The following NOL4L variants were observed in gnomAD, a reference collection of about 807,000 sequenced individuals.
NOL4L encodes nucleolar protein 4 like.
NOL4L carries 7 observed loss-of-function variants against 64.5 expected under a neutral mutation model. That is an observed-to-expected ratio of 0.11 (90% confidence interval 0.06 to 0.20). The LOEUF (loss-of-function observed/expected upper bound fraction) is 0.20. Among genes scored for constraint, NOL4L ranks in the 10% least tolerant of loss-of-function variants. The pLI is 1.00. For missense variants in NOL4L, 680 were observed against 967.1 expected (o/e 0.70, Z 3.94); for synonymous variants, 413 against 401.0 (o/e 1.03, Z -0.36).
At chr20:32,527,962 T>TGA (rs1281341106) in intron 1 of NOL4L, 49 bp from the exon 2 acceptor site, 1 of 1,522,902 alleles carries the variant, frequency 6.6e-7, no homozygotes, top group Non-Finnish European at 8.8e-7. Flanking sequence ...GATGGCGGGG[T>TGA]GAGAACTGGG....
intron 1 of NOL4L, among the ~76,000 whole-genome samples, chr20:32,578,479 G>C (rs1432206799): frequency 1.3e-5 from 2 of 152,154 alleles, no homozygotes; most frequent in South Asian, 4.1e-4. Context: ...TCTAACTCCT[G>C]AGCTGAAGTG....
chr20:32,530,323 T>C (rs2018297684), intron 1 of NOL4L, among the ~76,000 whole-genome samples: 1 of 151,470 alleles, frequency 6.6e-6, no homozygotes, highest in South Asian at 2.1e-4. Context: ...GGGTGGATCA[T>C]GAGGTCAGGA....
intron 4 of NOL4L, among the ~76,000 whole-genome samples, chr20:32,485,058 CAAAAAAAAAAAAAAAAAAA>C (rs57444583): frequency 5.6e-5 from 1 of 17,808 alleles, no homozygotes; most frequent in Non-Finnish European, 1.1e-4. Context: ...GGGAAATTGC[CAAAAAAAAAAAAAAAAAAA>C]AAAAAAAAAA....
At chr20:32,466,276 T>G (rs900236226) in intron 5 of NOL4L, among the ~76,000 whole-genome samples, 1 of 152,156 alleles carries the variant, frequency 6.6e-6, no homozygotes, top group East Asian at 1.9e-4. Flanking sequence ...TTCACCCACT[T>G]TCTCAGTAGG....
Position 32,447,429 on chromosome 20 carries a change from A to AAATT in NOL4L, c.*166_*167insAATT. 1 of 757,714 alleles carries AAATT rather than the reference A, an allele frequency of 1.3e-6. No homozygotes were observed. Among genetic ancestry groups the AAATT allele is most frequent in the Non-Finnish European group, 2.0e-6 (1 of 494,146 alleles). The allele number at this position is 757,714 out of a possible 1,614,324, so 46.9% of individuals were successfully genotyped here. ...AAAAAAAAAAAAAAAAAAAAAAAAAAGTGTCCTTGTGCCCAAAGTCTCAGG... is the reference window on the plus strand; with the variant it reads ...AAAAAAAAAAAAAAAAAAAAAAAAAAAATTGTGTCCTTGTGCCCAAAGTCTCAGG... On this transcript the variant is annotated 3_prime_UTR_variant, in exon 11 of 11. Coordinates refer to ENST00000621426, the MANE Select transcript of NOL4L (RefSeq NM_001256798.2).
Position 32,456,206 on chromosome 20 carries a change from G to A in NOL4L, c.1031C>T (p.Ala344Val). Residue 344 changes from alanine (A) to valine (V), a missense_variant, in exon 6 of 11, where the codon GCA becomes GTA. Coordinates refer to ENST00000621426, the MANE Select transcript of NOL4L (RefSeq NM_001256798.2). ...CGAGGGGTAGGAGGCTGTGCCAAGT[G>A]CCGTGGCCGGCGGGAGCTTGTCACA... ...NLCDKLPPATALGTASYPSDG... is the reference protein window; with the variant it reads ...NLCDKLPPATVLGTASYPSDG... The A allele has an allele frequency of 6.2e-7, 1 of 1,608,962 alleles. No individual in the cohort carries two copies. The highest frequency in any genetic ancestry group is 8.5e-7 in the Non-Finnish European group (1 of 1,177,706).
At chr20:32,544,721 GC>G (rs1230712399) in intron 1 of NOL4L, among the ~76,000 whole-genome samples, 1 of 152,096 alleles carries the variant, frequency 6.6e-6, no homozygotes, top group Non-Finnish European at 1.5e-5. Flanking sequence ...TCTAAAACCA[GC>G]CCCAGGTCAC....
At position 32,585,026 on chromosome 20, in the gene NOL4L, C is replaced by A; in HGVS notation, c.-136G>T. 1 of 354,950 alleles carries A rather than the reference C, an allele frequency of 2.8e-6. No homozygotes were observed. The highest frequency in any genetic ancestry group is 3.9e-6 in the Non-Finnish European group (1 of 255,272). 22.0% of individuals were successfully genotyped at this position (354,950 alleles called of 1,614,324 possible). On this transcript the variant is annotated 5_prime_UTR_variant, in exon 1 of 11. Coordinates refer to ENST00000621426, the MANE Select transcript of NOL4L (RefSeq NM_001256798.2). The stretch of plus-strand genomic sequence containing the variant: ...GTCCCGCGGTGTGGCTCCGGCGAGG[C>A]TGCTGGATGGGCGCGGGCGGCGGCC...
At chr20:32,548,633 A>C in intron 1 of NOL4L, 1 of 298,940 alleles carries the variant, frequency 3.3e-6, no homozygotes, top group Non-Finnish European at 6.7e-6. Flanking sequence ...CACGTTCTAG[A>C]CATTATTGCC....
At chr20:32,491,786 G>A (rs1688545025) in intron 4 of NOL4L, among the ~76,000 whole-genome samples, 1 of 152,206 alleles carries the variant, frequency 6.6e-6, no homozygotes, top group Non-Finnish European at 1.5e-5. Flanking sequence ...ACTTGCAGGT[G>A]TGTACACAAT....
At chr20:32,495,418 C>T (rs2016647682) in intron 4 of NOL4L, among the ~76,000 whole-genome samples, 1 of 152,122 alleles carries the variant, frequency 6.6e-6, no homozygotes, top group Non-Finnish European at 1.5e-5. Flanking sequence ...GCTGCCCGGG[C>T]CTATTCCTGA....
chr20:32,460,681 G>A lies in NOL4L; in HGVS notation c.842-4286C>T, dbSNP rs1482002529. On this transcript the variant is annotated intron_variant, in intron 5 of 10. Coordinates refer to ENST00000621426, the MANE Select transcript of NOL4L (RefSeq NM_001256798.2). This position sits in a 1 kb window ranked among gnomAD's most constrained non-coding sequence, Gnocchi z 5.7. ...CTCACATCATAACTCACCCACTGCC[G>A]ACGCACGAGGCTCCCAGACTGCAAC... Among the ~76,000 whole-genome samples the A allele has an allele frequency of 5.3e-5, 8 of 152,132 alleles. No homozygotes were observed. The highest frequency in any genetic ancestry group is 1.9e-4 in the East Asian group (1 of 5,192).
At chr20:32,523,994 T>C (rs549829666) in intron 2 of NOL4L, among the ~76,000 whole-genome samples, 1 of 152,276 alleles carries the variant, frequency 6.6e-6, no homozygotes, top group East Asian at 1.9e-4. Flanking sequence ...TAGCACGTGG[T>C]GGGCCTGGAG....
At chr20:32,549,551 A>G (rs1004552275) in intron 1 of NOL4L, among the ~76,000 whole-genome samples, 7 of 152,084 alleles carry the variant, frequency 4.6e-5, no homozygotes, top group African/African-American at 1.7e-4. Context: ...TCAGGAGTTC[A>G]AGACCAGCCT....
intron 1 of NOL4L, among the ~76,000 whole-genome samples, chr20:32,551,395 T>A (rs2018799976): frequency 6.6e-6 from 1 of 151,922 alleles, no homozygotes; most frequent in African/African-American, 2.4e-5. Flanking sequence ...ATCATCATCA[T>A]CATCATCATC....
chr20:32,487,772 G>A (rs1309944797), intron 4 of NOL4L, among the ~76,000 whole-genome samples: 2 of 152,064 alleles, frequency 1.3e-5, no homozygotes, highest in Non-Finnish European at 2.9e-5. Flanking sequence ...GTGATGACAG[G>A]GAGGCCAGTG....
At chr20:32,532,280 CCAGAA>C (rs2018373103) in intron 1 of NOL4L, 1 of 857,830 alleles carries the variant, frequency 1.2e-6, no homozygotes, top group South Asian at 5.3e-5. Flanking sequence ...CCTGGAGCGA[CCAGAA>C]CTCAAACCAC....
intron 9 of NOL4L, 87 bp from the exon 10 acceptor site, chr20:32,452,524 C>T (rs181509028): frequency 2.1e-5 from 26 of 1,239,742 alleles, no homozygotes; most frequent in Admixed American, 5.2e-5. Context: ...ATAAATGCTG[C>T]GGCCCCAGGA....
In NOL4L at chr20:32,486,950, A is replaced by G. The variant is rs557628567; in HGVS notation, c.700-12208T>C. On this transcript the variant is annotated intron_variant, in intron 4 of 10. Transcript: ENST00000621426. ...CTCTACAAAACATTCATTGTCACTA[A>G]TTGACTTTCTAAACGATAAGATGAA... 19 of 345,990 alleles carry G rather than the reference A, an allele frequency of 5.5e-5. No individual in the cohort carries two copies. The East Asian group carries it at 1.3e-3, about 24-fold the overall frequency. 21.4% of individuals were successfully genotyped at this position (345,990 alleles called of 1,614,324 possible). A position where few individuals can be genotyped will look rare whatever the true frequency, so the allele number is the denominator to read the frequency against.
Sources: allele counts gnomAD v4.1 joint callset (sites outside exome capture counted in the v4.1 genomes callset), GRCh38; gene constraint gnomAD v4.1.1; non-coding constraint Gnocchi (gnomAD v3.1); transcripts MANE v1.5; gene names NCBI Gene and HGNC (gene_info 2026-07-23, HGNC 2026-07-21).